Variants in ABI2 observed in about 807,000 individuals in gnomAD.
ABI2 encodes the protein abelson interactor 2.
In ABI2, 25 loss-of-function variants were observed where a neutral mutation model predicts 59.2. That is an observed-to-expected ratio of 0.42 (90% CI 0.31 to 0.59). ABI2 has a LOEUF of 0.59. Ranked by LOEUF, ABI2 falls within the 20% of genes least tolerant of loss-of-function variation. ABI2 has a pLI of 0.14. For missense variants in ABI2, 545 were observed against 681.8 expected (o/e 0.80, Z 2.23); for synonymous variants, 213 against 235.5 (o/e 0.90, Z 0.87).
rs1164799289 is a variant in ABI2 at position 203,419,461 on chromosome 2, C to T, written c.1453+2380C>T. ...CTGGCTCACTGCAAGCTCCGACTAC[C>T]GGGTTCACGCCATTCTCCTGCCTCA... On this transcript the variant is annotated intron_variant, in intron 11 of 11. Coordinates refer to ENST00000261018, the MANE Select transcript of ABI2 (RefSeq NM_001375670.1). 8.6e-5 allele frequency among the ~76,000 whole-genome samples: 13 copies of T among 151,806 alleles called. No homozygotes were observed. In the East Asian group the frequency reaches 1.9e-3, roughly 23 times the overall value.
intron 2 of ABI2, among the ~76,000 whole-genome samples, chr2:203,376,479 T>C (rs557581357): frequency 9.2e-5 from 14 of 152,346 alleles, no homozygotes; most frequent in African/African-American, 2.4e-4. Flanking sequence ...TGTATACTTA[T>C]GCTGTTTAAA....
chr2:203,422,383 A>G (rs898898685), intron 11 of ABI2, among the ~76,000 whole-genome samples: 1 of 152,198 alleles, frequency 6.6e-6, no homozygotes, highest in Non-Finnish European at 1.5e-5. Flanking sequence ...AATGTAATCA[A>G]TTTTAAAGAT....
At chr2:203,412,884 C>CCA (rs2097735332) in intron 10 of ABI2, among the ~76,000 whole-genome samples, 1 of 152,162 alleles carries the variant, frequency 6.6e-6, no homozygotes, top group African/African-American at 2.4e-5. Flanking sequence ...AATTACAGTA[C>CCA]GAGAATTGAA....
intron 1 of ABI2, among the ~76,000 whole-genome samples, chr2:203,356,673 T>G (rs2092127203): frequency 6.6e-6 from 1 of 152,134 alleles, no homozygotes; most frequent in Non-Finnish European, 1.5e-5. Flanking sequence ...CCAGTCCAAA[T>G]TTTTAAATTT....
At position 203,395,637 on chromosome 2, in the gene ABI2, G is replaced by A. The variant is rs752856771; in HGVS notation, c.726-19G>A. 3.1e-6 allele frequency: 5 copies of A among 1,599,676 alleles called. No individual in the cohort carries two copies. In the African/African-American group the frequency reaches 6.8e-5, roughly 22 times the overall value. ...ACTGTTTATAAATACTCATGTTTTG[G>A]TGGCTCTTATTTCTTTAGCAGCAGT... On this transcript the variant is annotated intron_variant, in intron 6 of 11. Transcript: ENST00000261018.
intron 4 of ABI2, among the ~76,000 whole-genome samples, chr2:203,389,525 T>C (rs1283254260): frequency 6.6e-6 from 1 of 152,230 alleles, no homozygotes; most frequent in African/African-American, 2.4e-5. Context: ...TATACAATTA[T>C]GATTTGCTTT....
intron 1 of ABI2, among the ~76,000 whole-genome samples, chr2:203,332,180 A>G (rs982319496): frequency 2.0e-5 from 3 of 152,128 alleles, no homozygotes; most frequent in Admixed American, 6.6e-5. Context: ...GGGATAGTCA[A>G]TATTTTTTCT....
chr2:203,332,996 T>C (rs1046668932), intron 1 of ABI2, among the ~76,000 whole-genome samples: 6 of 152,296 alleles, frequency 3.9e-5, no homozygotes, highest in African/African-American at 1.4e-4. Context: ...TGAAATATTT[T>C]TGAACAATAG....
rs1189673565 is a variant in ABI2, at chr2:203,432,095, TTTAA to T, written c.*4746_*4749del. 5 of 152,222 alleles carry T rather than the reference TTTAA, an allele frequency of 3.3e-5. No individual in the cohort carries two copies. Among genetic ancestry groups the T allele is most frequent in the Admixed American group, 1.3e-4 (2 of 15,278 alleles). 9.4% of individuals were successfully genotyped at this position (152,222 alleles called of 1,614,324 possible). The stretch of plus-strand genomic sequence containing the variant: ...CCAGATGAGTGGAGGAACATCACTT[TTTAA>T]TTTTTTAATTGTATTTGGAATTGTT... On this transcript the variant is annotated 3_prime_UTR_variant, in exon 12 of 12. Transcript: ENST00000261018.
intron 1 of ABI2, among the ~76,000 whole-genome samples, chr2:203,350,665 A>G (rs1428189110): frequency 6.6e-6 from 1 of 150,496 alleles, no homozygotes; most frequent in Admixed American, 6.6e-5. Flanking sequence ...TCAGCCTCCC[A>G]AGTAGCAGGG....
chr2:203,396,222 A>G (rs1244284167), intron 7 of ABI2, among the ~76,000 whole-genome samples: 1 of 152,204 alleles, frequency 6.6e-6, no homozygotes, highest in Non-Finnish European at 1.5e-5. Context: ...AAACAGAAAA[A>G]TCTGCTTATT....
At chr2:203,339,748 A>G (rs1282881000) in intron 1 of ABI2, among the ~76,000 whole-genome samples, 2 of 152,206 alleles carry the variant, frequency 1.3e-5, no homozygotes, top group African/African-American at 4.8e-5. Flanking sequence ...TATTCATGGT[A>G]ACTAAGATAT....
In ABI2 at chr2:203,368,747, A is replaced by C. The variant is rs762539786; in HGVS notation, c.285+1703A>C. ...AAATTGGTGCGTTTTAATGAGTGTA[A>C]GGTAAATTTCAGTTGGGAAAGGCCT... On this transcript the variant is annotated intron_variant, in intron 2 of 11. Coordinates refer to ENST00000261018, the MANE Select transcript of ABI2 (RefSeq NM_001375670.1). Among the ~76,000 whole-genome samples, 14 of 152,210 alleles carry C rather than the reference A, an allele frequency of 9.2e-5. 1 individual carries two copies. Among genetic ancestry groups the C allele is most frequent in the Admixed American group, 9.2e-4 (14 of 15,280 alleles).
At chr2:203,391,194 A>T (rs769464448) in intron 5 of ABI2, 51 bp downstream of exon 5, 2 of 1,217,498 alleles carry the variant, frequency 1.6e-6, no homozygotes, top group Non-Finnish European at 2.3e-6. Flanking sequence ...ATTGTTTAAA[A>T]ATGAAGCACA....
chr2:203,387,797 A>G (rs1291535606), intron 4 of ABI2, among the ~76,000 whole-genome samples: 1 of 152,170 alleles, frequency 6.6e-6, no homozygotes, highest in Non-Finnish European at 1.5e-5. Context: ...AAGTGGCTGC[A>G]GTATTGCTTT....
chr2:203,365,379 T>C (rs2094266830), intron 1 of ABI2, among the ~76,000 whole-genome samples: 1 of 152,196 alleles, frequency 6.6e-6, no homozygotes. Flanking sequence ...GTCAGCCTCA[T>C]GCTTTTTCTC....
chr2:203,397,387 A>G lies in ABI2; in HGVS notation c.1033+420A>G, dbSNP rs79072736. Among the ~76,000 whole-genome samples, 976 of 152,310 alleles carry G rather than the reference A, an allele frequency of 6.4e-3. 3 individuals carry two copies. Among genetic ancestry groups the G allele is most frequent in the Middle Eastern group, 0.054 (16 of 294 alleles). On this transcript the variant is annotated intron_variant, in intron 8 of 11. Transcript: ENST00000261018. ...ACAAATGGAAAGCCTCTGTAAGTCT[A>G]TTTTTAACAGAATCTGTTGCTTATT...
At chr2:203,395,897 A>T in intron 7 of ABI2, 117 bp downstream of exon 7, 1 of 1,206,684 alleles carries the variant, frequency 8.3e-7, no homozygotes. Context: ...GGAATCATAA[A>T]TATTGGGAAG....
At chr2:203,339,441 G>C (rs116231585) in intron 1 of ABI2, among the ~76,000 whole-genome samples, 1 of 151,812 alleles carries the variant, frequency 6.6e-6, no homozygotes, top group Non-Finnish European at 1.5e-5. Flanking sequence ...TTAGCTGGGT[G>C]TGGTTGGCGG....
Sources: allele counts gnomAD v4.1 joint callset (sites outside exome capture counted in the v4.1 genomes callset), GRCh38; gene constraint gnomAD v4.1.1; transcripts MANE v1.5; gene names NCBI Gene and HGNC (gene_info 2026-07-23, HGNC 2026-07-21).